Variants in TRIM5 observed in about 807,000 individuals in gnomAD.
TRIM5 encodes the protein tripartite motif containing 5.
Under a neutral mutation model 35.6 loss-of-function variants are expected in TRIM5, and 31 were observed. That is an observed-to-expected ratio of 0.87 (90% CI 0.65 to 1.18). The LOEUF is 1.18. Among genes scored for constraint, TRIM5 ranks in the 50% most tolerant of loss-of-function variants. The probability of loss-of-function intolerance (pLI) is 0.00; values close to 1 mark genes in which losing one functional copy is unlikely to be tolerated. For synonymous variants in TRIM5, 243 were observed against 215.6 expected (o/e 1.13, Z -1.11); for missense variants, 609 against 591.6 (o/e 1.03, Z -0.31).
At chr11:5,666,152 C>A in intron 5 of TRIM5, 71 bp from the exon 6 acceptor site, 1 of 1,328,286 alleles carries the variant, frequency 7.5e-7, no homozygotes, top group Non-Finnish European at 1.0e-6. Context: ...CCCTGACTTC[C>A]TATCATTTCA....
chr11:5,618,681 T>G, the TRIM5 span, among the ~76,000 whole-genome samples: 1 of 152,234 alleles, frequency 6.6e-6, no homozygotes, highest in Non-Finnish European at 1.5e-5. Context: ...TATTGATTAA[T>G]CTACTATAAA....
chr11:5,636,334 A>G, the TRIM5 span, among the ~76,000 whole-genome samples: 2 of 152,242 alleles, frequency 1.3e-5, no homozygotes, highest in African/African-American at 4.8e-5. Context: ...CGTAATATAG[A>G]AACTAGATTA....
At chr11:5,603,469 G>A in the TRIM5 span, 1 of 1,614,132 alleles carries the variant, frequency 6.2e-7, no homozygotes, top group Non-Finnish European at 8.5e-7. Flanking sequence ...TCAAGAAGGG[G>A]AAAGAAGCTG....
chr11:5,634,640 C>T, the TRIM5 span: 1 of 1,612,380 alleles, frequency 6.2e-7, no homozygotes, highest in South Asian at 1.1e-5. Flanking sequence ...GTATCAGGTA[C>T]AAACTGAGAG....
the TRIM5 span, among the ~76,000 whole-genome samples, chr11:5,653,206 C>A: frequency 6.6e-6 from 1 of 152,198 alleles, no homozygotes; most frequent in Non-Finnish European, 1.5e-5. Flanking sequence ...TATCCTTCAT[C>A]TCCCTGCGTA....
At chr11:5,622,363 T>A in the TRIM5 span, among the ~76,000 whole-genome samples, 1 of 150,208 alleles carries the variant, frequency 6.7e-6, no homozygotes, top group Non-Finnish European at 1.5e-5. Flanking sequence ...GAGAATGGCG[T>A]GAACCCGGCA....
chr11:5,592,931 GA>G, the TRIM5 span, among the ~76,000 whole-genome samples: 419 of 112,438 alleles, frequency 3.7e-3, 4 homozygotes, highest in African/African-American at 0.016. Flanking sequence ...AAAAAAAAAA[GA>G]AAAAAGAAAA....
chr11:5,657,187 C>T, the TRIM5 span, among the ~76,000 whole-genome samples: 1 of 152,058 alleles, frequency 6.6e-6, no homozygotes, highest in Non-Finnish European at 1.5e-5. Flanking sequence ...TGGAAACCAT[C>T]ATTCTCAGCA....
chr11:5,611,647 T>A, the TRIM5 span: 1 of 278,002 alleles, frequency 3.6e-6, no homozygotes, highest in Non-Finnish European at 6.8e-6. Flanking sequence ...GAGATAGGGT[T>A]TCACCGTGTT....
At chr11:5,611,209 C>T in the TRIM5 span, 6 of 1,614,110 alleles carry the variant, frequency 3.7e-6, no homozygotes, top group Non-Finnish European at 5.1e-6. Flanking sequence ...GGTACTGTCT[C>T]CTTTTATAAT....
At position 5,679,992 on chromosome 11, in the gene TRIM5, GTAACTGATCCGGCACA is replaced by G. The variant is rs1852305758; in HGVS notation, c.170_185del (p.Val57AlafsTer12). 2 of 1,614,094 alleles carry G rather than the reference GTAACTGATCCGGCACA, an allele frequency of 1.2e-6. No homozygotes were observed. Among genetic ancestry groups the G allele is most frequent in the Admixed American group, 1.7e-5 (1 of 60,018 alleles). On this transcript the variant is annotated frameshift_variant, in exon 2 of 8. Coordinates refer to ENST00000380034, the MANE Select transcript of TRIM5 (RefSeq NM_033034.3). LOFTEE classifies it high-confidence loss of function. ...GATTAGGCCGTATGTTCTCAGGCTG[GTAACTGATCCGGCACA>G]CAGGGCAGCTACTCTCTCCTTTGTC...
chr11:5,615,111 T>C, the TRIM5 span, among the ~76,000 whole-genome samples: 1 of 152,244 alleles, frequency 6.6e-6, no homozygotes, highest in Non-Finnish European at 1.5e-5. Context: ...GTTTATAATT[T>C]AATTTTAAAT....
the TRIM5 span, among the ~76,000 whole-genome samples, chr11:5,592,963 A>G: frequency 7.4e-6 from 1 of 134,704 alleles, no homozygotes; most frequent in Non-Finnish European, 1.8e-5. Flanking sequence ...AGAAAAAATG[A>G]GAGGAAAGTA....
At chr11:5,659,016 G>C (rs1319735929), downstream of TRIM5, among the ~76,000 whole-genome samples, 1 of 152,110 alleles carries the variant, frequency 6.6e-6, no homozygotes, top group African/African-American at 2.4e-5. Context: ...GTGGGCGCCT[G>C]GGGGAGGGAT....
rs1472305114 is a variant in TRIM5 at position 5,679,676 on chromosome 11, A to G, written c.417+85T>C. Reference sequence around the variant, plus strand: ...TCCCGGGTCTCAGGTCTATCATGACAAGGCAGTTAATGTCAAAGGCAAAGT... The same window carrying G: ...TCCCGGGTCTCAGGTCTATCATGACGAGGCAGTTAATGTCAAAGGCAAAGT... On this transcript the variant is annotated intron_variant, in intron 2 of 7. Coordinates refer to ENST00000380034, the MANE Select transcript of TRIM5 (RefSeq NM_033034.3). The G allele has an allele frequency of 2.2e-6, 3 of 1,395,284 alleles. No homozygotes were observed. In the African/African-American group the frequency reaches 4.3e-5, roughly 20 times the overall value. 86.4% of individuals were successfully genotyped at this position (1,395,284 alleles called of 1,614,324 possible).
the TRIM5 span, among the ~76,000 whole-genome samples, chr11:5,638,872 G>A: frequency 6.6e-6 from 1 of 152,272 alleles, no homozygotes; most frequent in Middle Eastern, 3.4e-3. Flanking sequence ...CAGGGAGAAG[G>A]TCAGAGTAAC....
rs1005600234 is a variant in TRIM5, at chr11:5,682,572, C to A, written c.-62+2296G>T. ...TTGCTTAAGAAGAAGCCAGACTGCC[C>A]AGCATGGTCCAGATCTTGACCCCTG... On this transcript the variant is annotated intron_variant, in intron 1 of 7. Transcript: ENST00000380034. Among the ~76,000 whole-genome samples the A allele has an allele frequency of 1.1e-4, 16 of 152,254 alleles. No individual in the cohort carries two copies. In the East Asian group the frequency reaches 2.7e-3, roughly 26 times the overall value.
rs753481854 is a variant in TRIM5, at chr11:5,680,085, G to C, written c.93C>G (p.Gly31=). 2.5e-6 allele frequency: 4 copies of C among 1,614,128 alleles called. No homozygotes were observed. Among genetic ancestry groups the C allele is most frequent in the Admixed American group, 3.3e-5 (2 of 60,008 alleles). The change falls in exon 2 of 8, where the codon GGC becomes GGG. Residue 31 remains glycine (G), a synonymous_variant. Coordinates refer to ENST00000380034, the MANE Select transcript of TRIM5 (RefSeq NM_033034.3). The part of the protein sequence containing the change: ...LLTQPLSLDC[G]HSFCQACLTA... ...TGAGGCATGCTTGGCAGAAGCTGTG[G>C]CCGCAGTCCAGGCTCAGGGGTTGTG...
At chr11:5,596,885 T>G in the TRIM5 span, 1 of 1,614,014 alleles carries the variant, frequency 6.2e-7, no homozygotes, top group Non-Finnish European at 8.5e-7. Context: ...CTTCTTGGCT[T>G]CTCATTCCCC....
Sources: allele counts gnomAD v4.1 joint callset (sites outside exome capture counted in the v4.1 genomes callset), GRCh38; gene constraint gnomAD v4.1.1; transcripts MANE v1.5; gene names NCBI Gene and HGNC (gene_info 2026-07-23, HGNC 2026-07-21).